TTC7B: variants seen among roughly 807,000 people sequenced by gnomAD.
TTC7B encodes the protein tetratricopeptide repeat protein 7B.
Under a neutral mutation model 106.8 loss-of-function variants are expected in TTC7B, and 28 were observed. That is an observed-to-expected ratio of 0.26 (90% CI 0.19 to 0.36). The LOEUF (loss-of-function observed/expected upper bound fraction) is 0.36. Ranked by LOEUF, TTC7B falls within the 10% of genes least tolerant of loss-of-function variation. The pLI is 1.00. For missense variants in TTC7B, 862 were observed against 1,076.4 expected (o/e 0.80, Z 2.79); for synonymous variants, 405 against 430.6 (o/e 0.94, Z 0.74).
chr14:90,735,444 T>C (rs905706897), intron 4 of TTC7B, among the ~76,000 whole-genome samples: 2 of 151,848 alleles, frequency 1.3e-5, no homozygotes, highest in Non-Finnish European at 2.9e-5. Flanking sequence ...GAGCTTGAGG[T>C]TGCAGTGAGC....
chr14:90,806,036 C>G (rs1456390156), intron 1 of TTC7B, among the ~76,000 whole-genome samples: 1 of 152,260 alleles, frequency 6.6e-6, no homozygotes, highest in Middle Eastern at 3.4e-3. Flanking sequence ...GTACTTGACA[C>G]GAACACAAAA....
At chr14:90,737,388 T>C (rs1188620047) in intron 4 of TTC7B, among the ~76,000 whole-genome samples, 4 of 152,126 alleles carry the variant, frequency 2.6e-5, no homozygotes, top group Non-Finnish European at 1.5e-5. Flanking sequence ...AATTGGTGAA[T>C]GGATAAATAC....
At chr14:90,714,238 G>A (rs1742087) in intron 5 of TTC7B, among the ~76,000 whole-genome samples, 64,704 of 148,356 alleles carry the variant, frequency 0.44, 14,372 homozygotes, top group Non-Finnish European at 0.47. Context: ...CTCAAAAAAA[G>A]AAAAAAAAAG....
intron 19 of TTC7B, among the ~76,000 whole-genome samples, chr14:90,543,280 A>G (rs748433266): frequency 2.0e-5 from 3 of 152,174 alleles, no homozygotes; most frequent in Non-Finnish European, 4.4e-5. Context: ...CACATGTTCA[A>G]TTCCATTTAT....
intron 15 of TTC7B, among the ~76,000 whole-genome samples, chr14:90,626,679 C>A (rs1884457159): frequency 6.6e-6 from 1 of 152,348 alleles, no homozygotes; most frequent in African/African-American, 2.4e-5. Context: ...CCTGACACAA[C>A]CCTGCTAGCA....
At chr14:90,726,432 T>A (rs1300441961) in intron 5 of TTC7B, among the ~76,000 whole-genome samples, 1 of 152,112 alleles carries the variant, frequency 6.6e-6, no homozygotes, top group African/African-American at 2.4e-5. Flanking sequence ...AATGTCCGGC[T>A]CGGTCATCTA....
chr14:90,649,328 G>T (rs55782464), intron 13 of TTC7B, among the ~76,000 whole-genome samples: 41,963 of 152,114 alleles, frequency 0.28, 6,089 homozygotes, highest in Middle Eastern at 0.33. Context: ...ACAAGAAAAA[G>T]CTCCCTGTGT....
In TTC7B at chr14:90,578,387, T is replaced by A; in HGVS notation, c.2108-79A>T. The A allele has an allele frequency of 1.4e-6, 2 of 1,463,438 alleles. No individual in the cohort carries two copies. The highest frequency in any genetic ancestry group is 1.9e-6 in the Non-Finnish European group (2 of 1,063,920). The allele number at this position is 1,463,438 out of a possible 1,614,324, so 90.7% of individuals were successfully genotyped here. ...CGAGCAGCCACCACTCTGATGTTCG[T>A]GTTCCCTGCACGGGAGTCTGGCGGG... is the stretch of plus-strand genomic sequence containing the variant. On this transcript the variant is annotated intron_variant, in intron 18 of 19. Coordinates refer to ENST00000328459, the MANE Select transcript of TTC7B (RefSeq NM_001010854.2). This position sits in a 1 kb window ranked among gnomAD's most constrained non-coding sequence, Gnocchi z 4.7.
chr14:90,734,086 G>T (rs1889426949), intron 4 of TTC7B, among the ~76,000 whole-genome samples: 2 of 152,098 alleles, frequency 1.3e-5, no homozygotes, highest in South Asian at 4.1e-4. Context: ...ATAAATTATG[G>T]CAATAAGGCA....
intron 3 of TTC7B, among the ~76,000 whole-genome samples, chr14:90,752,768 G>T (rs989010387): frequency 1.3e-4 from 20 of 152,210 alleles, no homozygotes; most frequent in African/African-American, 4.6e-4. Flanking sequence ...ATAAAGCCAG[G>T]TTCCGACCCC....
chr14:90,753,597 A>G (rs1890198875), intron 3 of TTC7B, among the ~76,000 whole-genome samples: 1 of 152,128 alleles, frequency 6.6e-6, no homozygotes. Flanking sequence ...GCCAATGGAA[A>G]CCACCAAGTG....
chr14:90,567,997 C>A (rs180841081), intron 19 of TTC7B, among the ~76,000 whole-genome samples: 32 of 152,324 alleles, frequency 2.1e-4, no homozygotes, highest in Non-Finnish European at 4.0e-4. Flanking sequence ...CCAAAGAGAG[C>A]CCCCGAGCCC....
In TTC7B at chr14:90,527,175, T is replaced by C. The variant is rs1889167972; in HGVS notation, c.*14193A>G. 1.3e-5 allele frequency: 2 copies of C among 151,808 alleles called. No individual in the cohort carries two copies. The highest frequency in any genetic ancestry group is 1.3e-4 in the Admixed American group (2 of 15,238). 9.4% of individuals were successfully genotyped at this position (151,808 alleles called of 1,614,324 possible). Reference sequence around the variant, plus strand: ...CTGCTCACCCCATCATATCTGGGGGTACCTGGTATTCACACGACTCATCAC... The same window carrying C: ...CTGCTCACCCCATCATATCTGGGGGCACCTGGTATTCACACGACTCATCAC... On this transcript the variant is annotated 3_prime_UTR_variant, in exon 20 of 20. Transcript: ENST00000328459.
chr14:90,766,571 G>T, intron 3 of TTC7B: 1 of 802,136 alleles, frequency 1.2e-6, no homozygotes. Context: ...CATATTTTGT[G>T]AGTACTCAAC....
chr14:90,733,007 C>G (rs1222413535), intron 4 of TTC7B, among the ~76,000 whole-genome samples: 2 of 152,178 alleles, frequency 1.3e-5, no homozygotes, highest in African/African-American at 4.8e-5. Context: ...TTCTGGCTGT[C>G]TCTCTCCACT....
chr14:90,577,739 C>G lies in TTC7B; in HGVS notation c.2310+367G>C, dbSNP rs1428916181. Among the ~76,000 whole-genome samples, 1 of 152,198 alleles carries G rather than the reference C, an allele frequency of 6.6e-6. No homozygotes were observed. Among genetic ancestry groups the G allele is most frequent in the African/African-American group, 2.4e-5 (1 of 41,448 alleles). On this transcript the variant is annotated intron_variant, in intron 19 of 19. Coordinates refer to ENST00000328459, the MANE Select transcript of TTC7B (RefSeq NM_001010854.2). This position sits in a 1 kb window ranked among gnomAD's most constrained non-coding sequence, Gnocchi z 5.0. ...TGAAGTCTCCCCGGGATGTGGAAAC[C>G]CCCGAAGGTGGCTACTGCAAGCAGC...
intron 16 of TTC7B, among the ~76,000 whole-genome samples, chr14:90,616,825 GT>G (rs1309287277): frequency 6.6e-6 from 1 of 152,074 alleles, no homozygotes; most frequent in Non-Finnish European, 1.5e-5. Flanking sequence ...CTCACCCTTC[GT>G]ACTCATTTAT....
chr14:90,735,525 C>G (rs558470271), intron 4 of TTC7B, among the ~76,000 whole-genome samples: 122 of 151,258 alleles, frequency 8.1e-4, no homozygotes, highest in African/African-American at 2.9e-3. Context: ...AAAAAAGATC[C>G]TATTCATAAA....
chr14:90,605,591 G>A (rs1295319104), intron 17 of TTC7B: 1 of 1,278,992 alleles, frequency 7.8e-7, no homozygotes, highest in East Asian at 5.6e-5. Context: ...GAAAAACCAT[G>A]TTTACAGAGA....
Sources: gnomAD v4.1 joint callset for allele counts (sites outside exome capture counted in the v4.1 genomes callset) on GRCh38, gnomAD v4.1.1 for gene constraint, Gnocchi (gnomAD v3.1) non-coding constraint, MANE v1.5 for transcripts, NCBI Gene and HGNC (gene_info 2026-07-23, HGNC 2026-07-21) for gene names.